RNF111: variants seen among roughly 807,000 people sequenced by gnomAD.
RNF111 encodes the protein ring finger protein 111.
Under a neutral mutation model 95.1 loss-of-function variants are expected in RNF111, and 17 were observed. That is an observed-to-expected ratio of 0.18 (90% CI 0.12 to 0.27). The LOEUF is 0.27. Ranked by LOEUF, RNF111 falls within the 10% of genes least tolerant of loss-of-function variation. The pLI, the probability that RNF111 is intolerant of heterozygous loss-of-function variation, is 1.00. For missense variants in RNF111, 1,189 were observed against 1,210.4 expected, an observed-to-expected ratio of 0.98 and a Z score of 0.26; for synonymous variants, 440 against 414.8, an observed-to-expected ratio of 1.06 and a Z score of -0.74.
At chr15:59,071,298 C>CAAA (rs35775103) in intron 6 of RNF111, among the ~76,000 whole-genome samples, 2 of 95,022 alleles carry the variant, frequency 2.1e-5, no homozygotes, top group African/African-American at 4.1e-5. Flanking sequence ...GACTCCATCT[C>CAAA]AAAAAAAAAA....
chr15:59,081,043 C>T lies in RNF111; in HGVS notation c.2056C>T (p.Pro686Ser), dbSNP rs2078726519. The change falls in exon 8 of 14, where the codon CCT becomes TCT. Residue 686 changes from proline to serine, a missense_variant. Transcript: ENST00000348370. The part of the protein sequence containing the change: ...QPPPQVDYVI[P>S]HPVHAFHSQI... ...TCCGCCTCAAGTGGATTATGTTATTCCTCATCCTGTACATGCTTTCCATTC... is the reference window on the plus strand; with the variant it reads ...TCCGCCTCAAGTGGATTATGTTATTTCTCATCCTGTACATGCTTTCCATTC... 1 of 1,614,134 alleles carries T rather than the reference C, an allele frequency of 6.2e-7. No individual in the cohort carries two copies. The highest frequency in any genetic ancestry group is 8.5e-7 in the Non-Finnish European group (1 of 1,180,018).
chr15:59,017,055 G>A (rs773235782), intron 1 of RNF111, among the ~76,000 whole-genome samples: 3 of 151,700 alleles, frequency 2.0e-5, no homozygotes, highest in African/African-American at 7.3e-5. Flanking sequence ...CTATATTACG[G>A]TGAATTGTAT....
At chr15:59,022,890 G>A (rs1402449790) in intron 1 of RNF111, among the ~76,000 whole-genome samples, 1 of 152,230 alleles carries the variant, frequency 6.6e-6, no homozygotes, top group East Asian at 1.9e-4. Context: ...GCTGGTTAAT[G>A]CAGAAGTATG....
chr15:59,073,917 G>T (rs1183391932), intron 6 of RNF111, among the ~76,000 whole-genome samples: 1 of 152,162 alleles, frequency 6.6e-6, no homozygotes, highest in Non-Finnish European at 1.5e-5. Flanking sequence ...ACTGGATGTT[G>T]TGTTAGGTAT....
rs548679738 is a variant in RNF111, at chr15:59,086,032, C to G, written c.2550+247C>G. On this transcript the variant is annotated intron_variant, in intron 10 of 13. Transcript: ENST00000348370. ...GTGGGGTTTTTTGTATACCAAGATA[C>G]TCTTAATCCACTGTCAGGAGTATAC... Among the ~76,000 whole-genome samples the G allele has an allele frequency of 2.4e-4, 36 of 151,928 alleles. No individual in the cohort carries two copies. In the South Asian group the frequency reaches 5.0e-3, roughly 21 times the overall value.
intron 5 of RNF111, among the ~76,000 whole-genome samples, chr15:59,061,522 A>G (rs2013279430): frequency 6.6e-6 from 1 of 152,174 alleles, no homozygotes; most frequent in Admixed American, 6.5e-5. Context: ...CCCAGGGGAA[A>G]TTTTAAAAAA....
chr15:59,042,058 C>T (rs1566903602), intron 2 of RNF111, among the ~76,000 whole-genome samples: 1 of 147,888 alleles, frequency 6.8e-6, no homozygotes, highest in Admixed American at 6.8e-5. Context: ...CAATGTAAGT[C>T]CTATATAATA....
chr15:59,080,958 T>C lies in RNF111; in HGVS notation c.1971T>C (p.Leu657=). The C allele has an allele frequency of 6.2e-7, 1 of 1,612,752 alleles. No homozygotes were observed. The change falls in exon 8 of 14, where the codon CTT becomes CTC. Residue 657 remains leucine, a synonymous_variant. Coordinates refer to ENST00000348370, the MANE Select transcript of RNF111 (RefSeq NM_017610.8). ...CAGATGCCTCTTTGACAAGGCCACT[T>C]CATCATCAAGCTTCTGCCTGCCCGC... The part of the protein sequence containing the change: ...PPPYASLTRP[L]HHQASACPHS...
chr15:59,085,212 C>CT (rs1293880388), intron 9 of RNF111, among the ~76,000 whole-genome samples: 2 of 152,182 alleles, frequency 1.3e-5, no homozygotes, highest in Admixed American at 6.5e-5. Context: ...GTTTGCCCTT[C>CT]TTTTATAAGG....
At position 59,031,075 on chromosome 15, in the gene RNF111, C is replaced by G. The variant is rs199616519; in HGVS notation, c.253C>G (p.Gln85Glu). The G allele has an allele frequency of 9.9e-6, 16 of 1,614,154 alleles. No homozygotes were observed. The highest frequency in any genetic ancestry group is 1.2e-5 in the Non-Finnish European group (14 of 1,180,010). Reference protein sequence around the residue: ...EKEMNGNQQEQEKSLVVRKKR... With the variant: ...EKEMNGNQQEEEKSLVVRKKR... Reference sequence around the variant, plus strand: ...GGAAATGAATGGTAACCAGCAAGAACAAGAAAAAAGTCTCGTTGTGAGGAA... The same window carrying G: ...GGAAATGAATGGTAACCAGCAAGAAGAAGAAAAAAGTCTCGTTGTGAGGAA... Residue 85 changes from glutamine (Q) to glutamate (E), a missense_variant, in exon 2 of 14, where the codon CAA (glutamine) becomes GAA (glutamate). Transcript: ENST00000348370.
intron 1 of RNF111, among the ~76,000 whole-genome samples, chr15:59,023,923 C>G (rs1020333749): frequency 5.9e-5 from 9 of 152,164 alleles, no homozygotes; most frequent in East Asian, 1.9e-4. Flanking sequence ...AATAGACTTT[C>G]TGGAAGGTGC....
chr15:59,069,073 CAAAAAAAAAAAAA>C (rs397853868), intron 6 of RNF111, among the ~76,000 whole-genome samples: 2 of 89,516 alleles, frequency 2.2e-5, no homozygotes. Context: ...GACTCCGTCT[CAAAAAAAAAAAAA>C]AAAAAAAGGA....
intron 5 of RNF111, among the ~76,000 whole-genome samples, chr15:59,062,990 G>T (rs914266168): frequency 6.6e-6 from 1 of 152,182 alleles, no homozygotes; most frequent in Non-Finnish European, 1.5e-5. Flanking sequence ...GGCATTGCCA[G>T]ATACTGGGGA....
intron 1 of RNF111, among the ~76,000 whole-genome samples, chr15:59,012,038 G>A (rs1434518639): frequency 3.3e-5 from 2 of 59,950 alleles, no homozygotes; most frequent in Non-Finnish European, 6.2e-5. Flanking sequence ...TTTTTGAGAT[G>A]GAGTCTCGCT....
chr15:59,013,707 C>G (rs59125511), intron 1 of RNF111, among the ~76,000 whole-genome samples: 2 of 152,140 alleles, frequency 1.3e-5, no homozygotes, highest in East Asian at 3.9e-4. Flanking sequence ...AACTCCTGAA[C>G]GAGGGAGTGT....
intron 8 of RNF111, among the ~76,000 whole-genome samples, chr15:59,082,360 T>G (rs1449619366): frequency 6.6e-6 from 1 of 152,200 alleles, no homozygotes; most frequent in African/African-American, 2.4e-5. Flanking sequence ...GTGTTAAAAT[T>G]GATGATTCTG....
chr15:59,041,522 C>T (rs962623769), intron 2 of RNF111, among the ~76,000 whole-genome samples: 1 of 152,080 alleles, frequency 6.6e-6, no homozygotes. Flanking sequence ...GATTGTGCCA[C>T]TGCACTCCAG....
intron 1 of RNF111, among the ~76,000 whole-genome samples, chr15:59,029,838 T>C (rs2040817185): frequency 6.6e-6 from 1 of 151,892 alleles, no homozygotes; most frequent in South Asian, 2.1e-4. Context: ...TTAGTGTTCA[T>C]TCATCTATAA....
chr15:59,072,366 T>C (rs1470931843), intron 6 of RNF111, among the ~76,000 whole-genome samples: 6 of 152,192 alleles, frequency 3.9e-5, no homozygotes, highest in African/African-American at 1.4e-4. Context: ...TTTCAAACTT[T>C]GCAGCTGCTT....
Sources: allele counts gnomAD v4.1 joint callset (sites outside exome capture counted in the v4.1 genomes callset), GRCh38; gene constraint gnomAD v4.1.1; transcripts MANE v1.5; gene names NCBI Gene and HGNC (gene_info 2026-07-23, HGNC 2026-07-21).